CHST9: variants seen among roughly 807,000 people sequenced by gnomAD.
CHST9 encodes the protein GalNAc-4-sulfotransferase 2.
CHST9 carries 41 observed loss-of-function variants against 44.4 expected under a neutral mutation model. The ratio of observed to expected loss-of-function variants is 0.92; its 90% CI spans 0.72 to 1.20. The LOEUF is 1.20. Ranked by LOEUF, CHST9 falls within the 50% of genes most tolerant of loss-of-function variation. CHST9 has a pLI of 0.00. For synonymous variants in CHST9, 171 were observed against 178.4 expected, an observed-to-expected ratio of 0.96 and a Z score of 0.33; for missense variants, 504 against 516.5, an observed-to-expected ratio of 0.98 and a Z score of 0.23.
intron 2 of CHST9, among the ~76,000 whole-genome samples, chr18:27,053,129 A>AT (rs2057589556): frequency 8.0e-6 from 1 of 124,652 alleles, no homozygotes; most frequent in South Asian, 2.8e-4. Flanking sequence ...GAGGAAGAAG[A>AT]GGAAGAAGAA....
intron 2 of CHST9, among the ~76,000 whole-genome samples, chr18:27,093,803 C>T (rs1186746621): frequency 6.6e-6 from 1 of 152,120 alleles, no homozygotes; most frequent in Non-Finnish European, 1.5e-5. Flanking sequence ...GTTGGAAATG[C>T]AGAAATCACC....
At chr18:27,157,900 T>C (rs1198776719) in intron 1 of CHST9, among the ~76,000 whole-genome samples, 2 of 152,120 alleles carry the variant, frequency 1.3e-5, no homozygotes, top group Non-Finnish European at 2.9e-5. Context: ...AATATGCTGG[T>C]TAATTTTAGT....
At chr18:26,949,631 G>A (rs2056216265) in intron 4 of CHST9, among the ~76,000 whole-genome samples, 1 of 152,228 alleles carries the variant, frequency 6.6e-6, no homozygotes, top group African/African-American at 2.4e-5. Flanking sequence ...GGTTACAGAA[G>A]CTGACATGAC....
chr18:26,943,553 G>A (rs142086499), intron 5 of CHST9, among the ~76,000 whole-genome samples: 22 of 152,348 alleles, frequency 1.4e-4, no homozygotes, highest in African/African-American at 5.0e-4. Context: ...ATGGAAATGT[G>A]TACCTATGGG....
chr18:26,995,156 G>C (rs2056870599), intron 4 of CHST9, among the ~76,000 whole-genome samples: 1 of 150,816 alleles, frequency 6.6e-6, no homozygotes, highest in Admixed American at 6.6e-5. Context: ...CAGCCCAGTG[G>C]CTCACGCCTG....
rs1598542684 is a variant in CHST9, at chr18:26,910,684, A to G, written c.*5575T>C. 2 of 152,172 alleles carry G rather than the reference A, an allele frequency of 1.3e-5. No homozygotes were observed. The highest frequency in any genetic ancestry group is 2.9e-5 in the Non-Finnish European group (2 of 68,028). 9.4% of individuals were successfully genotyped at this position (152,172 alleles called of 1,614,324 possible). On this transcript the variant is annotated 3_prime_UTR_variant, in exon 6 of 6. Coordinates refer to ENST00000618847, the MANE Select transcript of CHST9 (RefSeq NM_031422.6). ...ACCAAACATATCTGTAGCCAGATCT[A>G]CCCCGTGGGCTGCCAATGTATGGTC...
At chr18:27,139,057 CA>C (rs1272271919) in intron 2 of CHST9, among the ~76,000 whole-genome samples, 1 of 152,004 alleles carries the variant, frequency 6.6e-6, no homozygotes, top group Non-Finnish European at 1.5e-5. Flanking sequence ...TCTTTACTTC[CA>C]AAAAAATCTG....
At chr18:26,972,993 T>C (rs944736099) in intron 4 of CHST9, among the ~76,000 whole-genome samples, 2 of 152,180 alleles carry the variant, frequency 1.3e-5, no homozygotes, top group Non-Finnish European at 2.9e-5. Flanking sequence ...TGGCCTCCTT[T>C]TGGTCACTTG....
chr18:27,072,905 G>A (rs1188834918), intron 2 of CHST9, among the ~76,000 whole-genome samples: 1 of 152,142 alleles, frequency 6.6e-6, no homozygotes, highest in Non-Finnish European at 1.5e-5. Context: ...GGGACAAGCC[G>A]CAGTATGATT....
chr18:27,155,119 A>G (rs1053885562), intron 1 of CHST9, among the ~76,000 whole-genome samples: 1 of 149,712 alleles, frequency 6.7e-6, no homozygotes, highest in Non-Finnish European at 1.5e-5. Context: ...AGTAACCTCT[A>G]TGTGCTTCAG....
intron 1 of CHST9, among the ~76,000 whole-genome samples, chr18:27,146,858 CT>C (rs2058616152): frequency 6.6e-6 from 1 of 152,030 alleles, no homozygotes; most frequent in Non-Finnish European, 1.5e-5. Context: ...ATTTGCATAT[CT>C]TTTTATTTAT....
intron 4 of CHST9, among the ~76,000 whole-genome samples, chr18:27,007,426 A>G (rs2057029859): frequency 6.6e-6 from 1 of 152,234 alleles, no homozygotes; most frequent in Non-Finnish European, 1.5e-5. Flanking sequence ...GGGGTGAGGC[A>G]GGTAGCACTA....
At chr18:27,117,580 G>C (rs1367184937) in intron 2 of CHST9, among the ~76,000 whole-genome samples, 1 of 152,096 alleles carries the variant, frequency 6.6e-6, no homozygotes, top group Non-Finnish European at 1.5e-5. Context: ...GGCAACCACT[G>C]ATGTTTTTAC....
intron 2 of CHST9, among the ~76,000 whole-genome samples, chr18:27,089,873 C>T (rs375869575): frequency 4.5e-4 from 67 of 149,600 alleles, no homozygotes; most frequent in African/African-American, 1.6e-3. Context: ...TGCAGTCACG[C>T]GATCTGGGCT....
intron 4 of CHST9, among the ~76,000 whole-genome samples, chr18:26,978,603 T>A (rs552021849): frequency 5.3e-5 from 8 of 152,290 alleles, no homozygotes; most frequent in African/African-American, 1.7e-4. Context: ...TGCAGAGGGA[T>A]AAACACATGT....
At chr18:27,001,540 C>A (rs2056953293) in intron 4 of CHST9, among the ~76,000 whole-genome samples, 1 of 152,154 alleles carries the variant, frequency 6.6e-6, no homozygotes, top group African/African-American at 2.4e-5. Flanking sequence ...AAAGAAGGTT[C>A]ATGGCTTAAC....
chr18:27,046,560 G>T (rs891100204), intron 3 of CHST9, among the ~76,000 whole-genome samples: 1 of 151,146 alleles, frequency 6.6e-6, no homozygotes, highest in East Asian at 1.9e-4. Context: ...AAAATTCCAA[G>T]CAGGAAGTCA....
chr18:27,127,725 G>A (rs1051944519), intron 2 of CHST9, among the ~76,000 whole-genome samples: 3 of 152,164 alleles, frequency 2.0e-5, no homozygotes, highest in Non-Finnish European at 4.4e-5. Flanking sequence ...CGATGATACA[G>A]AAGAGAATAC....
At chr18:26,933,177 G>C (rs564100971) in intron 5 of CHST9, 1 of 153,880 alleles carries the variant, frequency 6.5e-6, no homozygotes, top group South Asian at 2.1e-4. Context: ...CTTGGGAAAT[G>C]GGGGAGAGGT....
Sources: allele counts gnomAD v4.1 joint callset (sites outside exome capture counted in the v4.1 genomes callset), GRCh38; gene constraint gnomAD v4.1.1; transcripts MANE v1.5; gene names NCBI Gene and HGNC (gene_info 2026-07-23, HGNC 2026-07-21).